Variants in ZBTB37 observed in about 807,000 individuals in gnomAD.
ZBTB37 encodes the protein zinc finger and BTB domain-containing protein 37.
In ZBTB37, 15 loss-of-function variants were observed where a neutral mutation model predicts 37.7. The observed-to-expected ratio is 0.40, with a 90% confidence interval of 0.27 to 0.61. The LOEUF (loss-of-function observed/expected upper bound fraction) is 0.61. ZBTB37 is among the 20% of genes least tolerant of loss of function. ZBTB37 has a pLI of 0.44. For missense variants in ZBTB37, 514 were observed against 641.9 expected, an observed-to-expected ratio of 0.80 and a Z score of 2.15; for synonymous variants, 231 against 220.6, an observed-to-expected ratio of 1.05 and a Z score of -0.42.
exon 4 of ZBTB37, chr1:173,895,552 C>CAT (rs1348395366): frequency 6.6e-6 from 1 of 152,148 alleles, no homozygotes; most frequent in Non-Finnish European, 1.5e-5. Flanking sequence ...CTACATGGAT[C>CAT]ATATTCTTGA....
At chr1:173,877,261 G>GATATAAAAAA (rs1656030281) in intron 4 of ZBTB37, among the ~76,000 whole-genome samples, 1 of 151,402 alleles carries the variant, frequency 6.6e-6, no homozygotes, top group Non-Finnish European at 1.5e-5. Flanking sequence ...AAAACTGTAA[G>GATATAAAAAA]ACTCTACAGT....
At chr1:173,885,170 G>C (rs1158339338) in intron 4 of ZBTB37, among the ~76,000 whole-genome samples, 1 of 152,190 alleles carries the variant, frequency 6.6e-6, no homozygotes, top group African/African-American at 2.4e-5. Context: ...AGGAGGTCTA[G>C]GCTGTAGTGA....
intron 4 of ZBTB37, among the ~76,000 whole-genome samples, chr1:173,879,742 A>G (rs1051569247): frequency 4.6e-5 from 7 of 152,202 alleles, no homozygotes; most frequent in African/African-American, 1.7e-4. Flanking sequence ...ACCTGAGGTC[A>G]TGAGTTCAAG....
chr1:173,872,132 G>C (rs542371075), intron 3 of ZBTB37, among the ~76,000 whole-genome samples: 2 of 151,740 alleles, frequency 1.3e-5, no homozygotes. Context: ...GCAGTGGTGC[G>C]ATCTCGGCTC....
intron 4 of ZBTB37, among the ~76,000 whole-genome samples, chr1:173,882,387 A>G (rs1466905130): frequency 7.3e-5 from 11 of 151,242 alleles, no homozygotes; most frequent in East Asian, 3.9e-4. Flanking sequence ...GACTACAGGC[A>G]CCCGCCACCA....
chr1:173,881,726 T>C (rs1176131731), intron 4 of ZBTB37, among the ~76,000 whole-genome samples: 7 of 152,184 alleles, frequency 4.6e-5, no homozygotes, highest in African/African-American at 1.7e-4. Context: ...CATTTTTTCA[T>C]GTGTCTGTTG....
intron 4 of ZBTB37, among the ~76,000 whole-genome samples, chr1:173,878,259 A>G (rs945970582): frequency 6.6e-6 from 1 of 152,284 alleles, no homozygotes; most frequent in East Asian, 1.9e-4. Context: ...CTCTAGACTC[A>G]ATATATGTTG....
At chr1:173,885,915 G>A (rs1572070740) in exon 5 of ZBTB37, 1 of 1,551,836 alleles carries the variant, frequency 6.4e-7, no homozygotes, top group Non-Finnish European at 8.7e-7. Context: ...TCATGTCTGT[G>A]GCAAAAGTTT....
At chr1:173,869,307 G>A (rs1432921683) in intron 2 of ZBTB37, among the ~76,000 whole-genome samples, 187 bp downstream of exon 2, 1 of 152,074 alleles carries the variant, frequency 6.6e-6, no homozygotes, top group Non-Finnish European at 1.5e-5. Flanking sequence ...CTTCCTGTTC[G>A]GATTTATACA....
At chr1:173,901,201 C>T (rs1467293769) in exon 4 of ZBTB37, 1 of 152,032 alleles carries the variant, frequency 6.6e-6, no homozygotes. Flanking sequence ...ATTTCACCAC[C>T]CTGCTCCATC....
chr1:173,898,075 A>T (rs945268536), exon 4 of ZBTB37: 24 of 152,032 alleles, frequency 1.6e-4, no homozygotes, highest in African/African-American at 3.6e-4. Flanking sequence ...CCTTTTAATG[A>T]TGTGTAACAT....
chr1:173,873,548 T>C (rs1305108133), exon 4 of ZBTB37: 1 of 1,614,068 alleles, frequency 6.2e-7, no homozygotes, highest in Middle Eastern at 1.6e-4. Context: ...TGGATGAGCC[T>C]AAGCAACCCA....
intron 4 of ZBTB37, among the ~76,000 whole-genome samples, chr1:173,873,961 A>G (rs1215365178): frequency 2.0e-5 from 3 of 152,186 alleles, no homozygotes; most frequent in Admixed American, 2.0e-4. Flanking sequence ...CAAACTAGAA[A>G]TACAAGGGAA....
At chr1:173,897,149 T>A (rs906900400) in exon 4 of ZBTB37, 1 of 152,198 alleles carries the variant, frequency 6.6e-6, no homozygotes, top group Non-Finnish European at 1.5e-5. Context: ...AAATAACTTA[T>A]GGGAAGTTTG....
intron 4 of ZBTB37, among the ~76,000 whole-genome samples, chr1:173,874,204 G>A (rs1479233868): frequency 2.9e-4 from 40 of 136,766 alleles, no homozygotes; most frequent in Middle Eastern, 4.3e-3. Flanking sequence ...GCTGTGAGCC[G>A]AGATCACACC....
At chr1:173,870,004 A>G (rs753668691) in intron 2 of ZBTB37, among the ~76,000 whole-genome samples, 196 bp from the exon 3 acceptor site, 12 of 152,196 alleles carry the variant, frequency 7.9e-5, no homozygotes, top group Non-Finnish European at 4.4e-5. Context: ...AGTTTTAACT[A>G]TGTCCTCCTG....
intron 4 of ZBTB37, 99 bp downstream of exon 4, chr1:173,873,665 C>T (rs749354682): frequency 1.3e-6 from 2 of 1,506,964 alleles, no homozygotes; most frequent in South Asian, 1.3e-5. Flanking sequence ...GGAGAGGTAA[C>T]AATGGCCCTG....
At chr1:173,878,671 T>G (rs1656118727) in intron 4 of ZBTB37, among the ~76,000 whole-genome samples, 2 of 152,204 alleles carry the variant, frequency 1.3e-5, no homozygotes, top group African/African-American at 4.8e-5. Flanking sequence ...ACATAAAGCT[T>G]TAGCTTCTAG....
intron 4 of ZBTB37, among the ~76,000 whole-genome samples, chr1:173,881,533 G>A (rs1351384193): frequency 6.6e-6 from 1 of 152,196 alleles, no homozygotes; most frequent in Non-Finnish European, 1.5e-5. Context: ...TTGCCACACT[G>A]TCTTCCACAA....
Sources: allele counts gnomAD v4.1 joint callset (sites outside exome capture counted in the v4.1 genomes callset), GRCh38; gene constraint gnomAD v4.1.1; transcripts MANE v1.5; gene names NCBI Gene and HGNC (gene_info 2026-07-23, HGNC 2026-07-21).